The following METTL8 variants were observed in gnomAD, a reference collection of about 807,000 sequenced individuals.
METTL8 encodes the protein tRNA N(3)-cytidine methyltransferase METTL8, mitochondrial.
A neutral mutation model predicts 48.7 loss-of-function variants in METTL8; 32 were observed. The observed-to-expected ratio is 0.66, with a 90% CI of 0.50 to 0.88. The LOEUF (loss-of-function observed/expected upper bound fraction) is 0.88, where lower values mean the gene tolerates loss of function less well. Among genes scored for constraint, METTL8 ranks in the 40% least tolerant of loss-of-function variants. METTL8 has a pLI of 0.00. For synonymous variants in METTL8, 136 were observed against 157.1 expected (o/e 0.87, Z 1.01); for missense variants, 464 against 474.4 (o/e 0.98, Z 0.20).
intron 2 of METTL8, among the ~76,000 whole-genome samples, chr2:171,380,726 C>A (rs955476445): frequency 2.2e-4 from 34 of 152,104 alleles, no homozygotes; most frequent in Admixed American, 1.2e-3. Context: ...GAACTACAAA[C>A]CACTGTTCAA....
chr2:171,430,363 C>CA (rs992119682), intron 1 of METTL8, among the ~76,000 whole-genome samples: 5 of 148,852 alleles, frequency 3.4e-5, no homozygotes, highest in East Asian at 2.0e-4. Flanking sequence ...ATCTCAAAAA[C>CA]AAAAAACAAA....
intron 2 of METTL8, among the ~76,000 whole-genome samples, chr2:171,364,025 C>A (rs1685470603): frequency 6.6e-6 from 1 of 151,474 alleles, no homozygotes; most frequent in Non-Finnish European, 1.5e-5. Flanking sequence ...GTTGGCCAGG[C>A]TGGTCTCCAA....
At chr2:171,404,223 A>C (rs895038288) in intron 1 of METTL8, among the ~76,000 whole-genome samples, 6 of 151,638 alleles carry the variant, frequency 4.0e-5, no homozygotes, top group African/African-American at 1.5e-4. Flanking sequence ...ATATCTTATT[A>C]TACTGTATTA....
chr2:171,430,616 T>C (rs991333847), intron 1 of METTL8, among the ~76,000 whole-genome samples: 1 of 152,162 alleles, frequency 6.6e-6, no homozygotes, highest in Non-Finnish European at 1.5e-5. Flanking sequence ...TGACAGCTTG[T>C]GCTTTAGGAA....
chr2:171,364,317 TACA>T, intron 2 of METTL8, among the ~76,000 whole-genome samples: 1 of 152,206 alleles, frequency 6.6e-6, no homozygotes, highest in South Asian at 2.1e-4. Context: ...GTTTAAGACA[TACA>T]ACAATTGTCT....
At chr2:171,353,411 G>A (rs1684173382) in intron 3 of METTL8, among the ~76,000 whole-genome samples, 1 of 152,220 alleles carries the variant, frequency 6.6e-6, no homozygotes, top group South Asian at 2.1e-4. Context: ...TTTGGAATAA[G>A]TGTGATGTGG....
chr2:171,427,812 T>C (rs1692569788), intron 1 of METTL8, among the ~76,000 whole-genome samples: 1 of 152,222 alleles, frequency 6.6e-6, no homozygotes. Flanking sequence ...CTCCCACCTG[T>C]AGGGACCCTG....
chr2:171,387,142 A>C (rs1434266153), intron 2 of METTL8, among the ~76,000 whole-genome samples: 1 of 151,906 alleles, frequency 6.6e-6, no homozygotes, highest in Non-Finnish European at 1.5e-5. Context: ...TCTTTACGAT[A>C]AGGCAGGGGT....
rs1224936346 is a variant in METTL8, at chr2:171,363,815, TC to T, written c.144-3303del. ...TTTTATATATATATATATATATATA[TC>T]TTTTTTTTTTTTTTGAGATGGAGTC... On this transcript the variant is annotated intron_variant, in intron 2 of 9. Transcript: ENST00000375258. Among the ~76,000 whole-genome samples, 40 of 136,816 alleles carry T rather than the reference TC, an allele frequency of 2.9e-4. 1 individual carries two copies. The Middle Eastern group carries it at 0.011, about 37-fold the overall frequency. 89.8% of individuals were successfully genotyped at this position (136,816 alleles called of 152,430 possible).
rs539274729 is a variant in METTL8, at chr2:171,375,138, G to A, written c.144-14625C>T. ...CTTCAGAAATGTCCCTGACTGCTGC[G>A]GCCTCCACTACGTTTCGAATGACGA... On this transcript the variant is annotated intron_variant, in intron 2 of 9. Coordinates refer to ENST00000375258, the MANE Select transcript of METTL8 (RefSeq NM_001321154.2). 7.7e-5 allele frequency: 110 copies of A among 1,435,274 alleles called. 1 individual carries two copies. Among genetic ancestry groups the A allele is most frequent in the Admixed American group, 4.3e-4 (26 of 59,800 alleles). 88.9% of individuals were successfully genotyped at this position (1,435,274 alleles called of 1,614,324 possible).
intron 1 of METTL8, among the ~76,000 whole-genome samples, chr2:171,410,464 T>C (rs1460493626): frequency 6.6e-6 from 1 of 152,174 alleles, no homozygotes; most frequent in Non-Finnish European, 1.5e-5. Flanking sequence ...ATAAAACCTG[T>C]CAACCAACTC....
intron 5 of METTL8, among the ~76,000 whole-genome samples, chr2:171,334,973 T>C (rs1685933351): frequency 6.6e-6 from 1 of 152,190 alleles, no homozygotes; most frequent in Non-Finnish European, 1.5e-5. Flanking sequence ...ATAAATGACA[T>C]GCTAAATAAT....
intron 3 of METTL8, among the ~76,000 whole-genome samples, chr2:171,353,417 T>C (rs575119300): frequency 6.6e-4 from 101 of 152,332 alleles, no homozygotes; most frequent in African/African-American, 2.3e-3. Context: ...ATAAGTGTGA[T>C]GTGGTGCTGA....
At position 171,321,137 on chromosome 2, in the gene METTL8, C is replaced by T. The variant is rs1183854311; in HGVS notation, c.*3035G>A. On this transcript the variant is annotated 3_prime_UTR_variant, in exon 10 of 10. Coordinates refer to ENST00000375258, the MANE Select transcript of METTL8 (RefSeq NM_001321154.2). The stretch of plus-strand genomic sequence containing the variant: ...TCTTTTTCAGAGCTAATCTCTCTCT[C>T]TCTCTCTGGAAATACTATTACTACT... 1 of 152,264 alleles carries T rather than the reference C, an allele frequency of 6.6e-6. No individual in the cohort carries two copies. Among genetic ancestry groups the T allele is most frequent in the African/African-American group, 2.4e-5 (1 of 41,462 alleles). The allele number at this position is 152,264 out of a possible 1,614,324, so 9.4% of individuals were successfully genotyped here. A position where few individuals can be genotyped will look rare whatever the true frequency, so the allele number is the denominator to read the frequency against.
At chr2:171,356,952 A>ATGTTTTTT in intron 3 of METTL8, among the ~76,000 whole-genome samples, 7,353 of 78,346 alleles carry the variant, frequency 0.094, 1,894 homozygotes, top group African/African-American at 0.22. Flanking sequence ...CAAAGACAAT[A>ATGTTTTTT]TTTTTTTTTT....
intron 5 of METTL8, among the ~76,000 whole-genome samples, chr2:171,336,863 C>CTTTTTTTTTT (rs71013037): frequency 4.5e-5 from 4 of 88,114 alleles, no homozygotes; most frequent in Non-Finnish European, 6.6e-5. Context: ...ATCACTTCCT[C>CTTTTTTTTTT]TTTTTTTTTT....
intron 1 of METTL8, among the ~76,000 whole-genome samples, chr2:171,409,666 G>A (rs1193689127): frequency 2.0e-5 from 3 of 152,238 alleles, no homozygotes; most frequent in African/African-American, 4.8e-5. Context: ...GAAGGCTCTC[G>A]CTTTTCTAAA....
intron 2 of METTL8, among the ~76,000 whole-genome samples, chr2:171,379,141 C>T (rs1687265925): frequency 6.6e-6 from 1 of 152,206 alleles, no homozygotes; most frequent in Admixed American, 6.5e-5. Context: ...AATTGAACAA[C>T]TTGCTCCGGA....
chr2:171,346,941 T>C (rs1415310048), intron 3 of METTL8, among the ~76,000 whole-genome samples: 1 of 152,190 alleles, frequency 6.6e-6, no homozygotes, highest in Non-Finnish European at 1.5e-5. Flanking sequence ...CTCAACATGG[T>C]TCCTCAGAAC....
Sources: gnomAD v4.1 joint callset for allele counts (sites outside exome capture counted in the v4.1 genomes callset) on GRCh38, gnomAD v4.1.1 for gene constraint, MANE v1.5 for transcripts, NCBI Gene and HGNC (gene_info 2026-07-23, HGNC 2026-07-21) for gene names.